Variants in FAT3 observed in about 807,000 individuals in gnomAD.
The protein encoded by FAT3 is protocadherin Fat 3.
FAT3 carries 95 observed loss-of-function variants against 310.2 expected under a neutral mutation model. That is an observed-to-expected ratio of 0.31 (90% CI 0.26 to 0.36). The LOEUF (loss-of-function observed/expected upper bound fraction) is 0.36. FAT3 is among the 10% of genes least tolerant of loss of function. The pLI is 1.00. For synonymous variants in FAT3, 2,314 were observed against 2,192.9 expected (o/e 1.06, Z -1.54); for missense variants, 5,408 against 5,715.6 (o/e 0.95, Z 1.74).
In FAT3 at chr11:92,355,280, A is replaced by G. The variant is rs545867866; in HGVS notation, c.3168A>G (p.Ser1056=). ...FAVVGSVKEN[S]RIGTSVLQVT... is the part of the protein sequence containing the mutation. ...TTGTTGGATCTGTAAAGGAAAACTC[A>G]CGCATTGGAACAAGCGTGCTGCAGG... Residue 1056 remains serine, a synonymous_variant, in exon 2 of 28, where the codon TCA becomes TCG. Coordinates refer to ENST00000525166, the MANE Select transcript of FAT3 (RefSeq NM_001367949.2). The G allele has an allele frequency of 1.2e-6, 2 of 1,613,792 alleles. No individual in the cohort carries two copies. Among genetic ancestry groups the G allele is most frequent in the South Asian group, 1.1e-5 (1 of 91,072 alleles).
chr11:92,747,772 C>T (rs1401608962), intron 4 of FAT3, among the ~76,000 whole-genome samples: 1 of 152,196 alleles, frequency 6.6e-6, no homozygotes, highest in African/African-American at 2.4e-5. Context: ...GGACAAAATG[C>T]CACCAGTCTC....
At chr11:92,885,488 A>G (rs979313882) in intron 24 of FAT3, among the ~76,000 whole-genome samples, 3 of 152,174 alleles carry the variant, frequency 2.0e-5, no homozygotes, top group Middle Eastern at 3.2e-3. Context: ...GAGGGCCAAG[A>G]ATGAATTCTT....
intron 2 of FAT3, among the ~76,000 whole-genome samples, chr11:92,464,668 A>G (rs1456236714): frequency 6.6e-6 from 1 of 152,218 alleles, no homozygotes; most frequent in Non-Finnish European, 1.5e-5. Flanking sequence ...GGTGGATTTG[A>G]TAACTGTGGA....
intron 1 of FAT3, among the ~76,000 whole-genome samples, chr11:92,268,046 G>GTCC (rs1447683617): frequency 2.1e-5 from 3 of 144,658 alleles, no homozygotes; most frequent in Admixed American, 1.4e-4. Flanking sequence ...TCTGCCCTAA[G>GTCC]TCCTTCAAAA....
chr11:92,672,359 A>G (rs1943155624), intron 3 of FAT3, among the ~76,000 whole-genome samples: 1 of 152,198 alleles, frequency 6.6e-6, no homozygotes, highest in African/African-American at 2.4e-5. Context: ...ATGGGCAGGA[A>G]AATCTAGAAG....
intron 1 of FAT3, among the ~76,000 whole-genome samples, chr11:92,269,327 C>A (rs926868930): frequency 2.0e-5 from 3 of 152,100 alleles, no homozygotes; most frequent in Admixed American, 1.3e-4. Flanking sequence ...GAATTCAAAT[C>A]ATTTAGGTCT....
chr11:92,234,925 G>T (rs1293292117), intron 1 of FAT3, among the ~76,000 whole-genome samples: 2 of 149,400 alleles, frequency 1.3e-5, no homozygotes, highest in East Asian at 3.9e-4. Flanking sequence ...AAAAAAATTA[G>T]CTGGGCGTGG....
In FAT3 at chr11:92,353,372, T is replaced by A. The variant is rs1948624382; in HGVS notation, c.1260T>A (p.Phe420Leu). The change falls in exon 2 of 28, where the codon TTT becomes TTA. Residue 420 changes from phenylalanine to leucine, a missense_variant. By Grantham distance (22) the Phe-to-Leu change is conservative (BLOSUM62 0). Transcript: ENST00000525166. The stretch of plus-strand genomic sequence containing the variant: ...CTCCTGGTGAGGATGCAGTGTACTT[T>A]AAAATTAATCCTCGGTCGGGTCTGA... Reference protein sequence around the residue: ...KLSPGEDAVYFKINPRSGLIV... With the variant: ...KLSPGEDAVYLKINPRSGLIV... 1 of 1,613,374 alleles carries A rather than the reference T, an allele frequency of 6.2e-7. No individual in the cohort carries two copies. The highest frequency in any genetic ancestry group is 8.5e-7 in the Non-Finnish European group (1 of 1,179,762).
chr11:92,473,774 G>C (rs936321277), intron 2 of FAT3, among the ~76,000 whole-genome samples: 1 of 152,172 alleles, frequency 6.6e-6, no homozygotes, highest in African/African-American at 2.4e-5. Flanking sequence ...TGTACACAGG[G>C]ACTAGCAAGA....
rs1313723670 is a variant in FAT3, at chr11:92,762,186, C to T, written c.3984+16C>T. On this transcript the variant is annotated intron_variant, in intron 5 of 27. Transcript: ENST00000525166. Reference sequence around the variant, plus strand: ...CATCCTAACGGTAAGATCTTCCAAACTCCAGCAGCACAGCAGATGGGGGGA... The same window carrying T: ...CATCCTAACGGTAAGATCTTCCAAATTCCAGCAGCACAGCAGATGGGGGGA... 1.3e-6 allele frequency: 2 copies of T among 1,598,476 alleles called. No individual in the cohort carries two copies. The highest frequency in any genetic ancestry group is 2.2e-5 in the South Asian group (2 of 88,958).
intron 22 of FAT3, among the ~76,000 whole-genome samples, chr11:92,873,410 G>T (rs1405712953): frequency 6.6e-6 from 1 of 152,174 alleles, no homozygotes; most frequent in African/African-American, 2.4e-5. Context: ...TTACACATTT[G>T]TCATTATTTC....
At chr11:92,835,844 C>G (rs1948392311) in intron 15 of FAT3, among the ~76,000 whole-genome samples, 1 of 152,146 alleles carries the variant, frequency 6.6e-6, no homozygotes, top group African/African-American at 2.4e-5. Flanking sequence ...ACAGTAAGAA[C>G]AAGCCATGTA....
At chr11:92,317,655 C>CT (rs1947499638) in intron 1 of FAT3, among the ~76,000 whole-genome samples, 1 of 152,062 alleles carries the variant, frequency 6.6e-6, no homozygotes, top group African/African-American at 2.4e-5. Context: ...ATGCCTGGTG[C>CT]TTTTTTAGCA....
intron 1 of FAT3, among the ~76,000 whole-genome samples, chr11:92,251,692 G>GT (rs1280572998): frequency 6.7e-6 from 1 of 149,792 alleles, no homozygotes; most frequent in Non-Finnish European, 1.5e-5. Flanking sequence ...AATGACTTTT[G>GT]TATTGATTGA....
chr11:92,560,399 G>A (rs1955180281), intron 3 of FAT3, among the ~76,000 whole-genome samples: 1 of 151,914 alleles, frequency 6.6e-6, no homozygotes, highest in African/African-American at 2.4e-5. Flanking sequence ...TTTCTTGATA[G>A]GGGCATTTGA....
chr11:92,721,514 G>A (rs773078218), intron 4 of FAT3, among the ~76,000 whole-genome samples: 6 of 152,116 alleles, frequency 3.9e-5, no homozygotes, highest in Non-Finnish European at 8.8e-5. Flanking sequence ...AAACAATAAT[G>A]ATCCTAATAA....
At chr11:92,663,313 T>C (rs1026021073) in intron 3 of FAT3, among the ~76,000 whole-genome samples, 6 of 152,228 alleles carry the variant, frequency 3.9e-5, no homozygotes, top group East Asian at 3.9e-4. Flanking sequence ...GGAGAAGAGA[T>C]TGAGACTAGG....
intron 3 of FAT3, among the ~76,000 whole-genome samples, chr11:92,530,885 A>T (rs1954042517): frequency 7.5e-6 from 1 of 133,786 alleles, no homozygotes; most frequent in Non-Finnish European, 1.6e-5. Flanking sequence ...CTTTATTTAC[A>T]AATATAGGGA....
chr11:92,280,504 T>C (rs1946392709), intron 1 of FAT3, among the ~76,000 whole-genome samples: 1 of 152,198 alleles, frequency 6.6e-6, no homozygotes, highest in African/African-American at 2.4e-5. Flanking sequence ...CTTAAGGTAA[T>C]TTTTTCTTTG....
Sources: allele counts gnomAD v4.1 joint callset (sites outside exome capture counted in the v4.1 genomes callset), GRCh38; gene constraint gnomAD v4.1.1; transcripts MANE v1.5; gene names NCBI Gene and HGNC (gene_info 2026-07-23, HGNC 2026-07-21).